Variants in MIER2 observed in about 807,000 individuals in gnomAD.
The protein encoded by MIER2 is MIER family member 2.
MIER2 carries 30 observed loss-of-function variants against 67.6 expected under a neutral mutation model. The ratio of observed to expected loss-of-function variants is 0.44; its 90% CI spans 0.33 to 0.60. The LOEUF (loss-of-function observed/expected upper bound fraction) is 0.60. Among genes scored for constraint, MIER2 ranks in the 20% least tolerant of loss-of-function variants. The pLI is 0.02. For synonymous variants in MIER2, 372 were observed against 312.6 expected (o/e 1.19, Z -2.00); for missense variants, 702 against 745.1 (o/e 0.94, Z 0.67).
chr19:326,911 G>A (rs1201811583), intron 5 of MIER2: 15 of 615,334 alleles, frequency 2.4e-5, no homozygotes, highest in Non-Finnish European at 3.8e-5. Flanking sequence ...GAACCAACAT[G>A]TTCCCTACTT....
At chr19:319,800 G>T (rs1024129688) in intron 7 of MIER2, among the ~76,000 whole-genome samples, 3 of 152,130 alleles carry the variant, frequency 2.0e-5, no homozygotes, top group African/African-American at 7.2e-5. Flanking sequence ...TAGGAAAAAG[G>T]CACACTTCCA....
At position 307,346 on chromosome 19, in the gene MIER2, C is replaced by G. The variant is rs1321052891; in HGVS notation, c.1389G>C (p.Glu463Asp). Residue 463 changes from glutamate (E) to aspartate (D), a missense_variant, in exon 13 of 14, where the codon GAG becomes GAC. Physicochemically the swap from Glu to Asp is conservative, Grantham distance 45. Around this residue, in one of 3 missense-constraint regions of MIER2, gnomAD observed 254 missense variants for 262.8 expected, o/e 0.97. Coordinates refer to ENST00000264819, the MANE Select transcript of MIER2 (RefSeq NM_017550.3). Reference protein sequence around the residue: ...ASYQPAVTAPEPDASPRLAVD... With the variant: ...ASYQPAVTAPDPDASPRLAVD... ...CGGCCAGCCTTGGGCTGGCGTCTGG[C>G]TCCGGAGCAGTGACAGCTGGCTGGT... 1 of 1,604,658 alleles carries G rather than the reference C, an allele frequency of 6.2e-7. No individual in the cohort carries two copies. The highest frequency in any genetic ancestry group is 1.3e-5 in the African/African-American group (1 of 74,996).
chr19:306,301 C>T lies in MIER2; in HGVS notation c.*389G>A, dbSNP rs1970645737. On this transcript the variant is annotated 3_prime_UTR_variant, in exon 14 of 14. Transcript: ENST00000264819. The stretch of plus-strand genomic sequence containing the variant: ...GGCTGCTGGTGCGGGGCAGGGCGTC[C>T]TGCCCGTCTCCCCGCCGGGGCAGTG... The T allele has an allele frequency of 3.7e-6, 1 of 270,826 alleles. No individual in the cohort carries two copies. Among genetic ancestry groups the T allele is most frequent in the African/African-American group, 2.3e-5 (1 of 44,234 alleles). The allele number at this position is 270,826 out of a possible 1,614,324, so 16.8% of individuals were successfully genotyped here.
At chr19:328,315 A>T (rs1971859515) in intron 3 of MIER2, among the ~76,000 whole-genome samples, 1 of 152,038 alleles carries the variant, frequency 6.6e-6, no homozygotes, top group Admixed American at 6.6e-5. Flanking sequence ...GAATACAAGG[A>T]TGGTGCGACA....
At chr19:335,469 G>A (rs924564098) in intron 2 of MIER2, among the ~76,000 whole-genome samples, 2 of 152,248 alleles carry the variant, frequency 1.3e-5, no homozygotes, top group Non-Finnish European at 2.9e-5. Context: ...AGCCACGTGA[G>A]GGAAAACAGG....
At chr19:334,152 C>CAA (rs1972138853) in intron 3 of MIER2, 2 of 465,838 alleles carry the variant, frequency 4.3e-6, no homozygotes, top group Admixed American at 3.6e-5. Flanking sequence ...TTTAAGAGTA[C>CAA]AAAGCAGGTT....
At position 336,148 on chromosome 19, in the gene MIER2, G is replaced by T; in HGVS notation, c.35C>A (p.Pro12His). 1 of 1,613,368 alleles carries T rather than the reference G, an allele frequency of 6.2e-7. No individual in the cohort carries two copies. ...AEASSLGRQSPRVVSCLEHSL... is the reference protein window; with the variant it reads ...AEASSLGRQSHRVVSCLEHSL... ...GTGCTCGAGGCAGGAGACCACGCGA[G>T]GACTCTGCCTCCCCAGCGAGGAGGC... is the stretch of plus-strand genomic sequence containing the variant. The change falls in exon 2 of 14, where the codon CCT (proline) becomes CAT (histidine). Residue 12 changes from proline to histidine, a missense_variant. By Grantham distance (77) the Pro-to-His change is moderately conservative. Transcript: ENST00000264819.
Position 306,819 on chromosome 19 carries a change from C to G in MIER2, c.1617-108G>C, listed in dbSNP as rs115488401. On this transcript the variant is annotated intron_variant, in intron 13 of 13. Transcript: ENST00000264819. ...TCGAGACTCCCAGCCTTGCCTCCCC[C>G]ACAGCCTATGGCAGCCGGGCCCGGG... The G allele has an allele frequency of 7.6e-4, 1,155 of 1,522,418 alleles. 10 individuals carry two copies. In the African/African-American group the frequency reaches 0.014, roughly 18 times the overall value. 94.3% of individuals were successfully genotyped at this position (1,522,418 alleles called of 1,614,324 possible).
At chr19:337,726 A>G (rs1298542916) in intron 1 of MIER2, among the ~76,000 whole-genome samples, 1 of 151,808 alleles carries the variant, frequency 6.6e-6, no homozygotes, top group Non-Finnish European at 1.5e-5. Context: ...AAAATTAGCC[A>G]GGCATTGTGG....
At chr19:325,850 A>G (rs1971715049) in intron 6 of MIER2, 146 bp from the exon 7 acceptor site, 1 of 838,118 alleles carries the variant, frequency 1.2e-6, no homozygotes, top group African/African-American at 1.7e-5. Context: ...GCTGATGCCC[A>G]GTTCTGGGGT....
At chr19:331,904 C>T (rs57828936) in intron 3 of MIER2, among the ~76,000 whole-genome samples, 1 of 151,742 alleles carries the variant, frequency 6.6e-6, no homozygotes, top group Admixed American at 6.6e-5. Context: ...TCACTTGAGC[C>T]CAGGAGGCGG....
At chr19:344,450 C>T in intron 1 of MIER2, 2 of 902,860 alleles carry the variant, frequency 2.2e-6, no homozygotes, top group Non-Finnish European at 2.6e-6. Flanking sequence ...CGGAGCCGCG[C>T]GCCCACCGGA....
rs577133560 is a variant in MIER2, at chr19:308,318, G to A, written c.1198+259C>T. On this transcript the variant is annotated intron_variant, in intron 12 of 13. Coordinates refer to ENST00000264819, the MANE Select transcript of MIER2 (RefSeq NM_017550.3). The surrounding 1 kb of genome is among the most constrained non-coding windows in gnomAD (Gnocchi z 9.1). ...GGTAAATACCCCAACCTCACCATAC[G>A]GGGCTCCCCAGCAGTGGGGCCACAT... 2.0e-5 allele frequency among the ~76,000 whole-genome samples: 3 copies of A among 152,242 alleles called. No individual in the cohort carries two copies. Among genetic ancestry groups the A allele is most frequent in the Admixed American group, 6.5e-5 (1 of 15,302 alleles).
chr19:337,861 T>C (rs1307352325), intron 1 of MIER2, among the ~76,000 whole-genome samples: 4 of 50,468 alleles, frequency 7.9e-5, no homozygotes, highest in Admixed American at 3.1e-4. Flanking sequence ...AGAGCAAGAC[T>C]CCATCTCACA....
chr19:335,986 G>A lies in MIER2; in HGVS notation c.100+97C>T, dbSNP rs1972233902. On this transcript the variant is annotated intron_variant, in intron 2 of 13. Coordinates refer to ENST00000264819, the MANE Select transcript of MIER2 (RefSeq NM_017550.3). ...CACCCTGGACTCTGGAAGCCAGTGT[G>A]CCGGTCCACAGCTCAGCCAGGCCCA... 8.3e-6 allele frequency: 10 copies of A among 1,207,490 alleles called. No individual in the cohort carries two copies. The Admixed American group carries it at 9.2e-5, about 11-fold the overall frequency. The allele number at this position is 1,207,490 out of a possible 1,614,324, so 74.8% of individuals were successfully genotyped here. A position where few individuals can be genotyped will look rare whatever the true frequency, so the allele number is the denominator to read the frequency against.
In MIER2 at chr19:327,765, T is replaced by C. The variant is rs562547510; in HGVS notation, c.369+99A>G. 94 of 1,529,704 alleles carry C rather than the reference T, an allele frequency of 6.1e-5. No homozygotes were observed. The Middle Eastern group carries it at 3.0e-3, about 48-fold the overall frequency. The allele number at this position is 1,529,704 out of a possible 1,614,324, so 94.8% of individuals were successfully genotyped here. A position where few individuals can be genotyped will look rare whatever the true frequency, so the allele number is the denominator to read the frequency against. On this transcript the variant is annotated intron_variant, in intron 4 of 13. Transcript: ENST00000264819. ...TACATTCTACTTATTCTGGGGGCCT[T>C]TGTGCCTCCTCTCACTGAACACTCC...
At chr19:310,367 C>G (rs1178852077) in intron 10 of MIER2, among the ~76,000 whole-genome samples, 1 of 152,208 alleles carries the variant, frequency 6.6e-6, no homozygotes, top group Non-Finnish European at 1.5e-5. Flanking sequence ...CTCAAACGCA[C>G]GCCACGAGGG....
chr19:323,725 A>C (rs1971599307), intron 7 of MIER2, among the ~76,000 whole-genome samples: 2 of 151,648 alleles, frequency 1.3e-5, no homozygotes, highest in Non-Finnish European at 2.9e-5. Context: ...CACACAGACA[A>C]CTCAAACGAC....
chr19:315,428 A>G (rs1052010960), intron 7 of MIER2, among the ~76,000 whole-genome samples: 6 of 152,248 alleles, frequency 3.9e-5, no homozygotes, highest in African/African-American at 1.4e-4. Flanking sequence ...AGCCGATGTT[A>G]AGAGTCAGCA....
Sources: allele counts gnomAD v4.1 joint callset (sites outside exome capture counted in the v4.1 genomes callset), GRCh38; gene constraint gnomAD v4.1.1; regional missense constraint gnomAD v4.1.1; non-coding constraint Gnocchi (gnomAD v3.1); transcripts MANE v1.5; gene names NCBI Gene and HGNC (gene_info 2026-07-23, HGNC 2026-07-21).